The following ATP2A3 variants were observed in gnomAD, a reference collection of about 807,000 sequenced individuals.
The protein encoded by ATP2A3 is sarcoplasmic/endoplasmic reticulum calcium ATPase 3.
Under a neutral mutation model 106.8 loss-of-function variants are expected in ATP2A3, and 61 were observed. That is an observed-to-expected ratio of 0.57 (90% CI 0.46 to 0.71). The LOEUF is 0.71. Among genes scored for constraint, ATP2A3 ranks in the 30% least tolerant of loss-of-function variants. The pLI is 0.00. For missense variants in ATP2A3, 1,201 were observed against 1,423.5 expected (o/e 0.84, Z 2.52); for synonymous variants, 611 against 609.3 (o/e 1.00, Z -0.04).
chr17:3,945,799 A>G (rs1053154954), intron 8 of ATP2A3, among the ~76,000 whole-genome samples: 14 of 152,106 alleles, frequency 9.2e-5, no homozygotes, highest in Non-Finnish European at 4.4e-5. Context: ...CTCACCGCAC[A>G]TTCTCAAGCA....
chr17:3,947,645 C>T lies in ATP2A3; in HGVS notation c.841G>A (p.Asp281Asn), dbSNP rs199838852. Residue 281 changes from aspartate (D) to asparagine (N), a missense_variant, in exon 8 of 21, where the codon GAC becomes AAC. This residue lies in a region of ATP2A3 where 935 missense variants were observed against 1,176.7 expected (regional missense o/e 0.79). Coordinates refer to ENST00000397041, the MANE Select transcript of ATP2A3 (RefSeq NM_005173.4). The surrounding 1 kb of genome is among the most constrained non-coding windows in gnomAD (Gnocchi z 7.7). Reference sequence around the variant, plus strand: ...AGCCAGGAGCCACCGTGGGCCGGGTCGGCGAAGTGGCCGATGTTGATGACC... The same window carrying T: ...AGCCAGGAGCCACCGTGGGCCGGGTTGGCGAAGTGGCCGATGTTGATGACC... ...VWVINIGHFA[D>N]PAHGGSWLRG... The T allele has an allele frequency of 8.7e-6, 14 of 1,612,332 alleles. No homozygotes were observed. Among genetic ancestry groups the T allele is most frequent in the East Asian group, 2.2e-5 (1 of 44,872 alleles).
At chr17:3,963,674 G>A (rs1161921372) in intron 1 of ATP2A3, among the ~76,000 whole-genome samples, 1 of 152,210 alleles carries the variant, frequency 6.6e-6, no homozygotes, top group Non-Finnish European at 1.5e-5. Context: ...CTGGGGTGGG[G>A]GTGGGGGCCC....
rs1053644372 is a variant in ATP2A3, at chr17:3,951,361, G to T, written c.353C>A (p.Ala118Asp). 3.7e-6 allele frequency: 6 copies of T among 1,613,676 alleles called. No individual in the cohort carries two copies. The African/African-American group carries it at 6.7e-5, about 18-fold the overall frequency. ...QERNAESAIE[A>D]LKEYEPEMGK... ...CATCTCAGGCTCATACTCCTTCAGG[G>T]CCTCGATGGCACTCTCGGCGTTGCG... is the stretch of plus-strand genomic sequence containing the variant. Residue 118 changes from alanine to aspartate, a missense_variant, in exon 5 of 21, where the codon GCC becomes GAC. Coordinates refer to ENST00000397041, the MANE Select transcript of ATP2A3 (RefSeq NM_005173.4).
At position 3,947,768 on chromosome 17, in the gene ATP2A3, C is replaced by T. The variant is rs780995343; in HGVS notation, c.718G>A (p.Ala240Thr). ...TELGKIRSQM[A>T]AVEPERTPLQ... is the part of the protein sequence containing the mutation. ...GGCGTCCGCTCGGGCTCGACTGCCG[C>T]CATCTGGCTCCGGATCTTGCCCAGC... The change falls in exon 8 of 21, where the codon GCG becomes ACG. Residue 240 changes from alanine (A) to threonine (T), a missense_variant. Coordinates refer to ENST00000397041, the MANE Select transcript of ATP2A3 (RefSeq NM_005173.4). The surrounding 1 kb of genome is among the most constrained non-coding windows in gnomAD (Gnocchi z 7.7). 1 of 1,603,952 alleles carries T rather than the reference C, an allele frequency of 6.2e-7. No individual in the cohort carries two copies. The highest frequency in any genetic ancestry group is 8.5e-7 in the Non-Finnish European group (1 of 1,179,792).
At chr17:3,960,420 T>TGGCCCGGGAAGGCA (rs1214259587) in intron 1 of ATP2A3, among the ~76,000 whole-genome samples, 20 of 152,232 alleles carry the variant, frequency 1.3e-4, no homozygotes, top group African/African-American at 4.8e-4. Context: ...GGGCCGCGTG[T>TGGCCCGGGAAGGCA]GGCCCGGGAA....
At chr17:3,963,539 TC>T (rs1236692884) in intron 1 of ATP2A3, among the ~76,000 whole-genome samples, 1 of 152,196 alleles carries the variant, frequency 6.6e-6, no homozygotes, top group African/African-American at 2.4e-5. Context: ...GGGAAAGGCC[TC>T]CCTGGCAGTT....
At chr17:3,951,777 C>T (rs2054461210) in intron 3 of ATP2A3, 92 bp from the exon 4 acceptor site, 1 of 1,287,450 alleles carries the variant, frequency 7.8e-7, no homozygotes, top group African/African-American at 1.5e-5. Flanking sequence ...GCTTGCTTCC[C>T]TGCTTTGGGG....
rs112101724 is a variant in ATP2A3, at chr17:3,950,638, C to T, written c.545-42G>A. The stretch of plus-strand genomic sequence containing the variant: ...AGATGAGAAGCCCCACATGAAGACA[C>T]GCCCATCCCTTAGTCCTGGCCCACT... On this transcript the variant is annotated intron_variant, in intron 6 of 20. Coordinates refer to ENST00000397041, the MANE Select transcript of ATP2A3 (RefSeq NM_005173.4). 2.6e-4 allele frequency: 420 copies of T among 1,613,356 alleles called. 4 individuals are homozygous for T. The highest frequency in any genetic ancestry group is 1.6e-3 in the African/African-American group (123 of 75,014).
chr17:3,936,174 G>A lies in ATP2A3; in HGVS notation c.2524+93C>T. 6.7e-7 allele frequency: 1 copy of A among 1,501,320 alleles called. No individual in the cohort carries two copies. Among genetic ancestry groups the A allele is most frequent in the Non-Finnish European group, 9.3e-7 (1 of 1,078,984 alleles). 93.0% of individuals were successfully genotyped at this position (1,501,320 alleles called of 1,614,324 possible). ...GCTCATACAGTTTCTACTGGCACAA[G>A]CCAGGCTGAGTCACACTGTCTGCAG... is the stretch of plus-strand genomic sequence containing the variant. On this transcript the variant is annotated intron_variant, in intron 16 of 20. Coordinates refer to ENST00000397041, the MANE Select transcript of ATP2A3 (RefSeq NM_005173.4). This position sits in a 1 kb window ranked among gnomAD's most constrained non-coding sequence, Gnocchi z 5.4.
rs764033098 is a variant in ATP2A3 at position 3,946,558 on chromosome 17, C to CA, written c.1095+832dup. 7.6e-3 allele frequency among the ~76,000 whole-genome samples: 1,097 copies of CA among 144,650 alleles called. 5 individuals are homozygous for CA. Among genetic ancestry groups the CA allele is most frequent in the Non-Finnish European group, 0.012 (777 of 65,738 alleles). The allele number at this position is 144,650 out of a possible 152,430, so 94.9% of individuals were successfully genotyped here. The stretch of plus-strand genomic sequence containing the variant: ...CAACAAACAGAATGAGACTCTGCCT[C>CA]AAAAAAAAAAATCGCTATTAGTCAA... On this transcript the variant is annotated intron_variant, in intron 8 of 20. Transcript: ENST00000397041.
At position 3,947,829 on chromosome 17, in the gene ATP2A3, C is replaced by T. The variant is rs769140759; in HGVS notation, c.657G>A (p.Ala219=). The T allele has an allele frequency of 2.1e-5, 33 of 1,598,840 alleles. No homozygotes were observed. The South Asian group carries it at 2.5e-4, about 12-fold the overall frequency. Residue 219 remains alanine (A), a synonymous_variant, in exon 8 of 21, where the codon GCG becomes GCA. Coordinates refer to ENST00000397041, the MANE Select transcript of ATP2A3 (RefSeq NM_005173.4). This position sits in a 1 kb window ranked among gnomAD's most constrained non-coding sequence, Gnocchi z 7.7. Reference sequence around the variant, plus strand: ...GGCCGGTGGCCACGGCCACACCCACCGCTTTGCCCGATGTGATATTGGTGC... The same window carrying T: ...GGCCGGTGGCCACGGCCACACCCACTGCTTTGCCCGATGTGATATTGGTGC... ...FSGTNITSGK[A]VGVAVATGLH...
intron 10 of ATP2A3, 36 bp downstream of exon 10, chr17:3,944,668 G>A (rs766493573): frequency 6.3e-7 from 1 of 1,599,642 alleles, no homozygotes; most frequent in Non-Finnish European, 8.5e-7. Context: ...TGGTCGCCTG[G>A]ATACTAGGGA....
chr17:3,923,924 T>G lies in ATP2A3; in HGVS notation c.*1498A>C, dbSNP rs1292392745. 7 of 152,112 alleles carry G rather than the reference T, an allele frequency of 4.6e-5. No individual in the cohort carries two copies. Among genetic ancestry groups the G allele is most frequent in the Non-Finnish European group, 1.0e-4 (7 of 68,046 alleles). The allele number at this position is 152,112 out of a possible 1,614,324, so 9.4% of individuals were successfully genotyped here. A position where few individuals can be genotyped will look rare whatever the true frequency, so the allele number is the denominator to read the frequency against. ...CTCTACCAAACAGCAGGTCAGCAGG[T>G]GGGTACAGGGCCCGCTCCTGCTAAG... On this transcript the variant is annotated 3_prime_UTR_variant, in exon 21 of 21. Transcript: ENST00000397041.
Position 3,964,159 on chromosome 17 carries a change from G to T in ATP2A3, c.118+15C>A. ...CGGCCCCCGCTCCCCGGCCCGGCCC[G>T]GCCCGCGCGCTCACCGTTGGGGCCG... On this transcript the variant is annotated intron_variant, in intron 1 of 20. Coordinates refer to ENST00000397041, the MANE Select transcript of ATP2A3 (RefSeq NM_005173.4). The T allele has an allele frequency of 1.8e-6, 2 of 1,114,572 alleles. No homozygotes were observed. Among genetic ancestry groups the T allele is most frequent in the Non-Finnish European group, 2.2e-6 (2 of 910,268 alleles). The allele number at this position is 1,114,572 out of a possible 1,614,324, so 69.0% of individuals were successfully genotyped here.
Position 3,928,943 on chromosome 17 carries a change from C to A in ATP2A3, c.2863-163G>T, listed in dbSNP as rs2052879586. ...ATCTTTGTCCACTCAGCTGCACCCC[C>A]CGATCTTTGTCTGTTCAGCTGCACC... On this transcript the variant is annotated intron_variant, in intron 19 of 20. Coordinates refer to ENST00000397041, the MANE Select transcript of ATP2A3 (RefSeq NM_005173.4). This position sits in a 1 kb window ranked among gnomAD's most constrained non-coding sequence, Gnocchi z 6.1. 6.8e-6 allele frequency among the ~76,000 whole-genome samples: 1 copy of A among 147,582 alleles called. No homozygotes were observed. Among genetic ancestry groups the A allele is most frequent in the African/African-American group, 2.6e-5 (1 of 37,874 alleles).
At position 3,935,209 on chromosome 17, in the gene ATP2A3, T is replaced by C. The variant is rs761563353; in HGVS notation, c.2593A>G (p.Ile865Val). 3.4e-5 allele frequency: 55 copies of C among 1,613,936 alleles called. No individual in the cohort carries two copies. The highest frequency in any genetic ancestry group is 4.4e-5 in the Non-Finnish European group (52 of 1,180,046). ...TTGCTCACCAGCTGGTAGAAGTTGA[T>C]GTGAGGTCCCTCGGCGTCATACACA... ...WFVYDAEGPH[I>V]NFYQLRNFLK... The change falls in exon 17 of 21, where the codon ATC becomes GTC. Residue 865 changes from isoleucine (I) to valine (V), a missense_variant. Physicochemically the swap from Ile to Val is conservative, Grantham distance 29. Coordinates refer to ENST00000397041, the MANE Select transcript of ATP2A3 (RefSeq NM_005173.4).
In ATP2A3 at chr17:3,925,305, C is replaced by T. The variant is rs902487635; in HGVS notation, c.*117G>A. 139 of 1,571,540 alleles carry T rather than the reference C, an allele frequency of 8.8e-5. No individual in the cohort carries two copies. The highest frequency in any genetic ancestry group is 2.1e-4 in the Admixed American group (12 of 57,424). On this transcript the variant is annotated 3_prime_UTR_variant, in exon 21 of 21. Transcript: ENST00000397041. The surrounding 1 kb of genome is among the most constrained non-coding windows in gnomAD (Gnocchi z 4.2). ...TCTGACCTCGGGCCTGTCATTTATC[C>T]GGCGGGACCCGGTGGGCAAGTGGGC...
At chr17:3,958,751 TATATATACACACAC>T in intron 1 of ATP2A3, among the ~76,000 whole-genome samples, 1 of 145,314 alleles carries the variant, frequency 6.9e-6, no homozygotes, top group African/African-American at 2.6e-5. Flanking sequence ...TAGACACACA[TATATATACACACAC>T]ATATATATAC....
At position 3,928,453 on chromosome 17, in the gene ATP2A3, A is replaced by G. The variant is rs527257894; in HGVS notation, c.2980+210T>C. On this transcript the variant is annotated intron_variant, in intron 20 of 20. Coordinates refer to ENST00000397041, the MANE Select transcript of ATP2A3 (RefSeq NM_005173.4). The surrounding 1 kb of genome is among the most constrained non-coding windows in gnomAD (Gnocchi z 6.1). ...AGGTGCTCCCGTTGCTGGCCCAGTGAGCCCAGGTCCCCTGCAGTGCAAGAC... is the reference window on the plus strand; with the variant it reads ...AGGTGCTCCCGTTGCTGGCCCAGTGGGCCCAGGTCCCCTGCAGTGCAAGAC... The G allele has an allele frequency of 4.7e-6, 5 of 1,062,332 alleles. No individual in the cohort carries two copies. In the African/African-American group the frequency reaches 6.3e-5, roughly 13 times the overall value. The allele number at this position is 1,062,332 out of a possible 1,614,324, so 65.8% of individuals were successfully genotyped here. A position where few individuals can be genotyped will look rare whatever the true frequency, so the allele number is the denominator to read the frequency against.
Sources: gnomAD v4.1 joint callset for allele counts (sites outside exome capture counted in the v4.1 genomes callset) on GRCh38, gnomAD v4.1.1 for gene constraint, gnomAD v4.1.1 regional missense constraint, Gnocchi (gnomAD v3.1) non-coding constraint, MANE v1.5 for transcripts, NCBI Gene and HGNC (gene_info 2026-07-23, HGNC 2026-07-21) for gene names.